MCTP2: variants seen among roughly 807,000 people sequenced by gnomAD.
MCTP2 encodes multiple C2 and transmembrane domain-containing protein 2.
MCTP2 carries 132 observed loss-of-function variants against 111.6 expected under a neutral mutation model. The ratio of observed to expected loss-of-function variants is 1.18; its 90% confidence interval spans 1.03 to 1.37. MCTP2 has a LOEUF of 1.37. Ranked by LOEUF, MCTP2 falls within the 40% of genes most tolerant of loss-of-function variation. The pLI, the probability that MCTP2 is intolerant of heterozygous loss-of-function variation, is 0.00. For missense variants in MCTP2, 1,183 were observed against 1,067.9 expected, an observed-to-expected ratio of 1.11 and a Z score of -1.50; for synonymous variants, 395 against 387.7, an observed-to-expected ratio of 1.02 and a Z score of -0.22.
intron 1 of MCTP2, among the ~76,000 whole-genome samples, chr15:94,261,012 A>G (rs6497188): frequency 0.86 from 130,126 of 152,134 alleles, 55,859 homozygotes; most frequent in South Asian, 0.9. Context: ...ACAACCTTTT[A>G]TCATGACCGA....
At chr15:94,236,215 A>T (rs1207015401) in intron 1 of MCTP2, among the ~76,000 whole-genome samples, 1 of 151,880 alleles carries the variant, frequency 6.6e-6, no homozygotes, top group Admixed American at 6.6e-5. Context: ...TCTCTTCTAG[A>T]GGCCAAGCAC....
intron 17 of MCTP2, chr15:94,403,359 C>A: frequency 2.2e-6 from 1 of 461,516 alleles, no homozygotes; most frequent in Non-Finnish European, 2.8e-6. Flanking sequence ...TCAACCTCCC[C>A]AGCTCCACTT....
At chr15:94,331,446 CA>C (rs2077127482) in intron 4 of MCTP2, among the ~76,000 whole-genome samples, 3 of 151,448 alleles carry the variant, frequency 2.0e-5, no homozygotes, top group Admixed American at 6.6e-5. Context: ...TAGGAGAAGG[CA>C]GGGGAGGCAT....
chr15:94,394,140 C>T (rs114099882), intron 14 of MCTP2, among the ~76,000 whole-genome samples: 280 of 151,374 alleles, frequency 1.8e-3, no homozygotes, highest in African/African-American at 6.5e-3. Flanking sequence ...TCATGATGGT[C>T]GAGAATGTAA....
intron 1 of MCTP2, among the ~76,000 whole-genome samples, chr15:94,281,306 A>G (rs754281709): frequency 1.5e-4 from 23 of 152,160 alleles, no homozygotes; most frequent in Admixed American, 2.6e-4. Flanking sequence ...ACTCTTTATC[A>G]TTATGGAATG....
chr15:94,379,567 C>A (rs1182932645), intron 12 of MCTP2, among the ~76,000 whole-genome samples: 1 of 151,686 alleles, frequency 6.6e-6, no homozygotes, highest in South Asian at 2.1e-4. Flanking sequence ...GTTCCTGGCT[C>A]CTGGATGAGT....
chr15:94,242,954 T>TATACACGTGTATATGCTTATCTACAC (rs2071104110), intron 1 of MCTP2, among the ~76,000 whole-genome samples: 1 of 106,356 alleles, frequency 9.4e-6, no homozygotes, highest in East Asian at 3.0e-4. Context: ...TAGATACACA[T>TATACACGTGTATATGCTTATCTACAC]ATACACGTGT....
chr15:94,318,547 A>G (rs28464649), intron 4 of MCTP2, among the ~76,000 whole-genome samples: 6,038 of 152,266 alleles, frequency 0.04, 403 homozygotes, highest in African/African-American at 0.14. Flanking sequence ...TGCTAGGATT[A>G]CAGGTGTGAG....
intron 17 of MCTP2, chr15:94,402,480 A>T (rs2081647323): frequency 1.3e-6 from 2 of 1,551,716 alleles, no homozygotes; most frequent in South Asian, 2.4e-5. Context: ...TTGCAATTTC[A>T]TTCAGCACCG....
intron 19 of MCTP2, among the ~76,000 whole-genome samples, chr15:94,456,257 C>G (rs1233780663): frequency 1.3e-5 from 2 of 152,096 alleles, no homozygotes; most frequent in African/African-American, 2.4e-5. Flanking sequence ...TCATGAGCAT[C>G]GTTATTTTGG....
At chr15:94,403,140 A>G (rs934715828) in intron 17 of MCTP2, 1 of 986,470 alleles carries the variant, frequency 1.0e-6, no homozygotes, top group Non-Finnish European at 1.2e-6. Context: ...TTAGTTCTCC[A>G]CTGCTTCGGT....
chr15:94,390,465 C>A (rs1011658404), intron 14 of MCTP2, among the ~76,000 whole-genome samples: 4 of 152,142 alleles, frequency 2.6e-5, no homozygotes, highest in East Asian at 1.9e-4. Context: ...ACTCAATAGA[C>A]TTATTTAATA....
chr15:94,244,788 A>C (rs2071630870), intron 1 of MCTP2, among the ~76,000 whole-genome samples: 1 of 149,024 alleles, frequency 6.7e-6, no homozygotes, highest in African/African-American at 2.5e-5. Flanking sequence ...ACACATACAT[A>C]TGCACGTATG....
chr15:94,463,196 A>T (rs2085320237), intron 20 of MCTP2, among the ~76,000 whole-genome samples: 1 of 152,228 alleles, frequency 6.6e-6, no homozygotes, highest in Admixed American at 6.5e-5. Context: ...AAGAATTGAT[A>T]TCCAGATACA....
chr15:94,382,295 T>C (rs1452600097), intron 12 of MCTP2, among the ~76,000 whole-genome samples: 3 of 152,252 alleles, frequency 2.0e-5, no homozygotes, highest in Non-Finnish European at 2.9e-5. Flanking sequence ...CCAGCCTTTG[T>C]AGGAATTCTG....
chr15:94,331,852 A>G (rs1396030542), intron 4 of MCTP2, among the ~76,000 whole-genome samples: 1 of 152,238 alleles, frequency 6.6e-6, no homozygotes, highest in East Asian at 1.9e-4. Flanking sequence ...GAATAGTTCA[A>G]TCAGAGTGTG....
chr15:94,393,558 G>T (rs1173475541), intron 14 of MCTP2, among the ~76,000 whole-genome samples: 2 of 151,864 alleles, frequency 1.3e-5, no homozygotes, highest in South Asian at 2.1e-4. Context: ...AAACTGAGAA[G>T]CAGGAATAAT....
chr15:94,480,289 T>C lies in MCTP2; in HGVS notation c.*1255T>C, dbSNP rs1440295836. On this transcript the variant is annotated 3_prime_UTR_variant, in exon 23 of 23. Coordinates refer to ENST00000357742, the MANE Select transcript of MCTP2 (RefSeq NM_001385001.1). Reference sequence around the variant, plus strand: ...GTATGTATTATAAAAAAAGTTAAGGTTAAAAAGATCTCATTTAATAGTGAG... The same window carrying C: ...GTATGTATTATAAAAAAAGTTAAGGCTAAAAAGATCTCATTTAATAGTGAG... The C allele has an allele frequency of 1.3e-5, 2 of 152,194 alleles. No homozygotes were observed. Among genetic ancestry groups the C allele is most frequent in the African/African-American group, 4.8e-5 (2 of 41,460 alleles). The allele number at this position is 152,194 out of a possible 1,614,324, so 9.4% of individuals were successfully genotyped here. A position where few individuals can be genotyped will look rare whatever the true frequency, so the allele number is the denominator to read the frequency against.
chr15:94,373,333 A>G (rs1217357295), intron 12 of MCTP2, among the ~76,000 whole-genome samples: 1 of 152,222 alleles, frequency 6.6e-6, no homozygotes, highest in African/African-American at 2.4e-5. Context: ...AAAATATACT[A>G]AGGTGAATTT....
Sources: allele counts gnomAD v4.1 joint callset (sites outside exome capture counted in the v4.1 genomes callset), GRCh38; gene constraint gnomAD v4.1.1; transcripts MANE v1.5; gene names NCBI Gene and HGNC (gene_info 2026-07-23, HGNC 2026-07-21).